TYR: variants seen among roughly 807,000 people sequenced by gnomAD.
TYR encodes the protein tyrosinase.
A neutral mutation model predicts 51.5 loss-of-function variants in TYR; 58 were observed. That is an observed-to-expected ratio of 1.13 (90% CI 0.91 to 1.40). The LOEUF (loss-of-function observed/expected upper bound fraction) is 1.40. TYR is among the 40% of genes most tolerant of loss of function. The pLI is 0.00. For synonymous variants in TYR, 263 were observed against 235.2 expected, an observed-to-expected ratio of 1.12 and a Z score of -1.08; for missense variants, 732 against 647.4, an observed-to-expected ratio of 1.13 and a Z score of -1.42.
chr11:89,225,811 A>G (rs1357138904), intron 2 of TYR, among the ~76,000 whole-genome samples: 5 of 151,978 alleles, frequency 3.3e-5, no homozygotes, highest in Non-Finnish European at 5.9e-5. Flanking sequence ...ACAACAATTT[A>G]TTCTATTGTA....
chr11:89,195,539 C>G (rs1486116952), intron 2 of TYR, among the ~76,000 whole-genome samples: 1 of 151,992 alleles, frequency 6.6e-6, no homozygotes, highest in East Asian at 1.9e-4. Flanking sequence ...ATTAGCCAGG[C>G]ATGGTGGCAC....
chr11:89,239,148 A>G (rs1944159594), intron 3 of TYR, among the ~76,000 whole-genome samples: 1 of 152,118 alleles, frequency 6.6e-6, no homozygotes. Flanking sequence ...AGAGTTTTTG[A>G]TGGATTTGTA....
At position 89,178,141 on chromosome 11, in the gene TYR, C is replaced by T. The variant is rs775916655; in HGVS notation, c.188C>T (p.Ala63Val). ...GSCQNILLSN[A>V]PLGPQFPFTG... ...TGTCAGAATATCCTTCTGTCCAATGCACCACTTGGGCCTCAATTTCCCTTC... is the reference window on the plus strand; with the variant it reads ...TGTCAGAATATCCTTCTGTCCAATGTACCACTTGGGCCTCAATTTCCCTTC... Residue 63 changes from alanine (A) to valine (V), a missense_variant, in exon 1 of 5, where the codon GCA becomes GTA. Coordinates refer to ENST00000263321, the MANE Select transcript of TYR (RefSeq NM_000372.5). 6.2e-7 allele frequency: 1 copy of T among 1,614,056 alleles called. No individual in the cohort carries two copies. Among genetic ancestry groups the T allele is most frequent in the Admixed American group, 1.7e-5 (1 of 59,998 alleles).
At position 89,253,165 on chromosome 11, in the gene TYR, A is replaced by G. The variant is rs140745010; in HGVS notation, c.1184+25195A>G. 3.3e-5 allele frequency among the ~76,000 whole-genome samples: 5 copies of G among 151,888 alleles called. No homozygotes were observed. In the East Asian group the frequency reaches 9.6e-4, roughly 29 times the overall value. ...GTACTTGTCAATGAAAGATCCTTTC[A>G]CTTTCTTCCTTTATAGTTAAGTCAG... On this transcript the variant is annotated intron_variant, in intron 3 of 4. Coordinates refer to ENST00000263321, the MANE Select transcript of TYR (RefSeq NM_000372.5).
intron 2 of TYR, among the ~76,000 whole-genome samples, chr11:89,198,445 T>C (rs936588283): frequency 6.6e-6 from 1 of 152,074 alleles, no homozygotes; most frequent in East Asian, 1.9e-4. Flanking sequence ...TGAAAGATGA[T>C]TGCCAGACCA....
chr11:89,248,550 G>T (rs1027180627), intron 3 of TYR, among the ~76,000 whole-genome samples: 9 of 152,132 alleles, frequency 5.9e-5, no homozygotes, highest in African/African-American at 1.9e-4. Flanking sequence ...GTTTGGAAAG[G>T]AGACTAGAAA....
At chr11:89,256,815 T>G (rs185734554) in intron 3 of TYR, among the ~76,000 whole-genome samples, 48 of 151,926 alleles carry the variant, frequency 3.2e-4, no homozygotes, top group African/African-American at 1.1e-3. Context: ...TCACCTGACA[T>G]TGAAGGAGGA....
At chr11:89,193,297 C>T (rs1170024576) in intron 2 of TYR, among the ~76,000 whole-genome samples, 2 of 151,936 alleles carry the variant, frequency 1.3e-5, no homozygotes, top group African/African-American at 2.4e-5. Flanking sequence ...AGAAATAAGG[C>T]AGGGGAACAT....
chr11:89,253,999 T>C (rs1944360252), intron 3 of TYR, among the ~76,000 whole-genome samples: 1 of 151,750 alleles, frequency 6.6e-6, no homozygotes, highest in African/African-American at 2.4e-5. Flanking sequence ...GGTATGTCTC[T>C]TGTATGCCAA....
At chr11:89,215,827 C>T (rs1943825317) in intron 2 of TYR, among the ~76,000 whole-genome samples, 1 of 152,028 alleles carries the variant, frequency 6.6e-6, no homozygotes, top group South Asian at 2.1e-4. Context: ...GCAAGACCCT[C>T]CATAAGTCAT....
intron 2 of TYR, among the ~76,000 whole-genome samples, chr11:89,199,354 G>T (rs1173346578): frequency 2.0e-5 from 3 of 152,118 alleles, no homozygotes; most frequent in Non-Finnish European, 4.4e-5. Flanking sequence ...GCAATTTATT[G>T]TTCATGCCAA....
At chr11:89,276,809 C>A (rs1470092155) in intron 3 of TYR, among the ~76,000 whole-genome samples, 1 of 151,794 alleles carries the variant, frequency 6.6e-6, no homozygotes, top group Admixed American at 6.6e-5. Flanking sequence ...CCCCTGTCAT[C>A]CTGTGTAAAC....
At chr11:89,283,535 G>A (rs925270810) in intron 3 of TYR, among the ~76,000 whole-genome samples, 14 of 151,668 alleles carry the variant, frequency 9.2e-5, no homozygotes, top group Non-Finnish European at 1.8e-4. Flanking sequence ...CTATCATATT[G>A]GAAACAGGTA....
chr11:89,289,365 A>G (rs1266002635), intron 4 of TYR, among the ~76,000 whole-genome samples: 3 of 151,994 alleles, frequency 2.0e-5, no homozygotes, highest in African/African-American at 7.2e-5. Context: ...ACCTGTGTGC[A>G]TGCTGTTCTT....
intron 2 of TYR, among the ~76,000 whole-genome samples, chr11:89,196,142 G>T (rs1218681322): frequency 3.9e-5 from 6 of 152,042 alleles, no homozygotes; most frequent in Non-Finnish European, 8.8e-5. Flanking sequence ...TCAACAAAGG[G>T]CACAACAGTA....
intron 3 of TYR, among the ~76,000 whole-genome samples, chr11:89,275,088 C>G (rs1021274971): frequency 2.6e-5 from 4 of 151,770 alleles, no homozygotes; most frequent in African/African-American, 9.7e-5. Flanking sequence ...CTCCTCATAG[C>G]CTGTGAATAA....
rs752195155 is a variant in TYR at position 89,191,313 on chromosome 11, A to C, written c.931A>C (p.Arg311=). Residue 311 remains arginine, a synonymous_variant, in exon 2 of 5, where the codon AGG becomes CGG. Transcript: ENST00000263321. ...PGNHDKSRTP[R]LPSSADVEFC... The stretch of plus-strand genomic sequence containing the variant: ...AAACCATGACAAATCCAGAACCCCA[A>C]GGCTCCCCTCTTCAGCTGATGTAGA... 1 of 1,613,694 alleles carries C rather than the reference A, an allele frequency of 6.2e-7. No individual in the cohort carries two copies. The highest frequency in any genetic ancestry group is 8.5e-7 in the Non-Finnish European group (1 of 1,179,768).
intron 2 of TYR, among the ~76,000 whole-genome samples, chr11:89,199,006 C>A (rs1276288767): frequency 6.6e-6 from 1 of 151,956 alleles, no homozygotes; most frequent in Non-Finnish European, 1.5e-5. Flanking sequence ...TGAGAACATG[C>A]GGTGTTTGGT....
At chr11:89,287,284 A>G (rs1043141573) in intron 4 of TYR, among the ~76,000 whole-genome samples, 1 of 151,882 alleles carries the variant, frequency 6.6e-6, no homozygotes, top group Admixed American at 6.6e-5. Flanking sequence ...CTTAACTAAT[A>G]TAAGTGAAGT....
Sources: gnomAD v4.1 joint callset for allele counts (sites outside exome capture counted in the v4.1 genomes callset) on GRCh38, gnomAD v4.1.1 for gene constraint, MANE v1.5 for transcripts, NCBI Gene and HGNC (gene_info 2026-07-23, HGNC 2026-07-21) for gene names.